Variants in ADAMTS6 observed in about 807,000 individuals in gnomAD.
The protein encoded by ADAMTS6 is A disintegrin and metalloproteinase with thrombospondin motifs 6.
A neutral mutation model predicts 144.3 loss-of-function variants in ADAMTS6; 23 were observed. The observed-to-expected ratio is 0.16, with a 90% confidence interval of 0.11 to 0.23. The LOEUF (loss-of-function observed/expected upper bound fraction) is 0.23. Among genes scored for constraint, ADAMTS6 ranks in the 10% least tolerant of loss-of-function variants. The pLI is 1.00. For synonymous variants in ADAMTS6, 444 were observed against 457.5 expected (o/e 0.97, Z 0.38); for missense variants, 999 against 1,379.6 (o/e 0.72, Z 4.37).
intron 22 of ADAMTS6, among the ~76,000 whole-genome samples, chr5:65,185,788 A>G (rs773246350): frequency 2.7e-4 from 41 of 152,212 alleles, no homozygotes; most frequent in Non-Finnish European, 5.6e-4. Context: ...AGGAAACTTT[A>G]AAATAGAATT....
intron 24 of ADAMTS6, among the ~76,000 whole-genome samples, chr5:65,156,383 C>T (rs964388800): frequency 6.6e-6 from 1 of 151,572 alleles, no homozygotes. Flanking sequence ...AAAAAACCAC[C>T]ACCACCACCA....
chr5:65,152,009 C>T (rs1454714791), intron 24 of ADAMTS6, 64 bp from the exon 25 acceptor site: 27 of 1,397,230 alleles, frequency 1.9e-5, no homozygotes, highest in Non-Finnish European at 2.5e-5. Flanking sequence ...ATAAACAAGC[C>T]GATGGGCCTG....
Position 65,215,486 on chromosome 5 carries a change from A to G in ADAMTS6, c.2274T>C (p.Ala758=). Residue 758 remains alanine (A), a splice_region_variant and synonymous_variant, in exon 19 of 25, where the codon GCT becomes GCC. Coordinates refer to ENST00000381055, the MANE Select transcript of ADAMTS6 (RefSeq NM_197941.4). ...AGTAATCATCTCCTTCAGATTTTAA[A>G]GCTAGAAAACAAATCACAATTCACC... is the stretch of plus-strand genomic sequence containing the variant. ...REVAMSKNYI[A]LKSEGDDYYI... 1 of 1,600,518 alleles carries G rather than the reference A, an allele frequency of 6.2e-7. No homozygotes were observed. Among genetic ancestry groups the G allele is most frequent in the South Asian group, 1.1e-5 (1 of 87,644 alleles).
At chr5:65,223,671 T>C (rs1022784550) in intron 18 of ADAMTS6, among the ~76,000 whole-genome samples, 9 of 152,228 alleles carry the variant, frequency 5.9e-5, no homozygotes, top group African/African-American at 1.7e-4. Context: ...TAATATTCTA[T>C]TGCATACAGA....
chr5:65,461,401 T>C lies in ADAMTS6; in HGVS notation c.463-1063A>G, dbSNP rs145634201. Among the ~76,000 whole-genome samples, 119 of 152,352 alleles carry C rather than the reference T, an allele frequency of 7.8e-4. 3 individuals carry two copies. The highest frequency in any genetic ancestry group is 2.8e-3 in the African/African-American group (115 of 41,596). ...TATTTCTTCGTATCAGTTAAAACCA[T>C]AGAAAGTGTCCCACATGTAATAGGT... On this transcript the variant is annotated intron_variant, in intron 3 of 24. Transcript: ENST00000381055.
chr5:65,172,418 G>GA lies in ADAMTS6; in HGVS notation c.3087+413dup, dbSNP rs57227939. On this transcript the variant is annotated intron_variant, in intron 23 of 24. Coordinates refer to ENST00000381055, the MANE Select transcript of ADAMTS6 (RefSeq NM_197941.4). ...GACAGAGTGAGACTCCATCTCAAAA[G>GA]AAAAAAAAAAAAGAGTAATTATCTC... Among the ~76,000 whole-genome samples the GA allele has an allele frequency of 2.3e-3, 315 of 134,738 alleles. 1 individual carries two copies. Among genetic ancestry groups the GA allele is most frequent in the African/African-American group, 6.0e-3 (224 of 37,208 alleles). 88.4% of individuals were successfully genotyped at this position (134,738 alleles called of 152,430 possible). A position where few individuals can be genotyped will look rare whatever the true frequency, so the allele number is the denominator to read the frequency against.
intron 20 of ADAMTS6, among the ~76,000 whole-genome samples, chr5:65,209,064 A>T (rs898831885): frequency 2.0e-5 from 3 of 152,230 alleles, no homozygotes; most frequent in African/African-American, 4.8e-5. Context: ...CTAGCCAAAC[A>T]TCGTAAAAAG....
At chr5:65,428,572 C>G (rs995986057) in intron 7 of ADAMTS6, among the ~76,000 whole-genome samples, 6 of 152,280 alleles carry the variant, frequency 3.9e-5, no homozygotes, top group Non-Finnish European at 8.8e-5. Flanking sequence ...TACTTAACTG[C>G]CAAGCACCAA....
At chr5:65,242,671 T>C (rs1385872857) in intron 14 of ADAMTS6, among the ~76,000 whole-genome samples, 1 of 152,188 alleles carries the variant, frequency 6.6e-6, no homozygotes, top group African/African-American at 2.4e-5. Context: ...CCTACTACTA[T>C]AGCTATTTAC....
chr5:65,462,054 A>T (rs1377156460), intron 3 of ADAMTS6, among the ~76,000 whole-genome samples: 1 of 152,178 alleles, frequency 6.6e-6, no homozygotes, highest in Non-Finnish European at 1.5e-5. Context: ...ACTTCATATA[A>T]TTTTCACCAT....
At chr5:65,419,874 T>C (rs1363392677) in intron 7 of ADAMTS6, among the ~76,000 whole-genome samples, 2 of 152,208 alleles carry the variant, frequency 1.3e-5, no homozygotes, top group Non-Finnish European at 2.9e-5. Context: ...AGGTTTCTTT[T>C]TGGGGTAATG....
intron 12 of ADAMTS6, among the ~76,000 whole-genome samples, chr5:65,264,871 G>A (rs1423427): frequency 0.2 from 29,968 of 151,992 alleles, 2,994 homozygotes; most frequent in Non-Finnish European, 0.22. Flanking sequence ...CACATAGTAT[G>A]TATGCAACAA....
chr5:65,160,653 AT>A lies in ADAMTS6; in HGVS notation c.3245-8709del, dbSNP rs10644572. Among the ~76,000 whole-genome samples the A allele has an allele frequency of 8.3e-3, 1,049 of 125,984 alleles. 4 individuals carry two copies. The highest frequency in any genetic ancestry group is 0.012 in the Non-Finnish European group (750 of 61,698). 82.7% of individuals were successfully genotyped at this position (125,984 alleles called of 152,430 possible). ...TTGCTAAAAGGCATTTCTTTCCTCC[AT>A]TTTTTTTTTTTTTTTGAGACAGAGT... On this transcript the variant is annotated intron_variant, in intron 24 of 24. Transcript: ENST00000381055.
At chr5:65,376,660 A>G (rs550461968) in intron 7 of ADAMTS6, among the ~76,000 whole-genome samples, 1 of 152,010 alleles carries the variant, frequency 6.6e-6, no homozygotes, top group East Asian at 1.9e-4. Flanking sequence ...ACAAAACCCC[A>G]TCTCCACAAA....
chr5:65,369,538 TAA>T (rs145260748), intron 7 of ADAMTS6, among the ~76,000 whole-genome samples: 4 of 146,492 alleles, frequency 2.7e-5, no homozygotes, highest in Non-Finnish European at 4.5e-5. Flanking sequence ...TACGCTTCAT[TAA>T]AAAAAAAAAC....
At chr5:65,476,080 T>C (rs1018573299) in intron 1 of ADAMTS6, among the ~76,000 whole-genome samples, 1 of 152,170 alleles carries the variant, frequency 6.6e-6, no homozygotes, top group African/African-American at 2.4e-5. Context: ...CTTTCCCTAA[T>C]TGGTTTAGAT....
rs1752030211 is a variant in ADAMTS6, at chr5:65,149,631, T to A, written c.*2205A>T. 1 of 152,624 alleles carries A rather than the reference T, an allele frequency of 6.6e-6. No homozygotes were observed. The highest frequency in any genetic ancestry group is 1.5e-5 in the Non-Finnish European group (1 of 68,046). 9.5% of individuals were successfully genotyped at this position (152,624 alleles called of 1,614,324 possible). On this transcript the variant is annotated 3_prime_UTR_variant, in exon 25 of 25. Transcript: ENST00000381055. ...ATAGCTTTTAGTCGGTAATAAGAAA[T>A]CTTTTTGAAATAAGAACATGAGCTG... is the stretch of plus-strand genomic sequence containing the variant.
At chr5:65,171,358 T>C (rs757742338) in intron 23 of ADAMTS6, among the ~76,000 whole-genome samples, 4 of 152,154 alleles carry the variant, frequency 2.6e-5, no homozygotes, top group Non-Finnish European at 5.9e-5. Context: ...GAGAGGTGTA[T>C]GATTAGGTCA....
intron 3 of ADAMTS6, among the ~76,000 whole-genome samples, chr5:65,462,479 T>C (rs547376964): frequency 3.9e-4 from 59 of 152,298 alleles, no homozygotes; most frequent in African/African-American, 1.4e-3. Flanking sequence ...TTGTAAAATG[T>C]TTATAACATT....
Sources: gnomAD v4.1 joint callset for allele counts (sites outside exome capture counted in the v4.1 genomes callset) on GRCh38, gnomAD v4.1.1 for gene constraint, MANE v1.5 for transcripts, NCBI Gene and HGNC (gene_info 2026-07-23, HGNC 2026-07-21) for gene names.